The following TFDP2 variants were observed in gnomAD, a reference collection of about 807,000 sequenced individuals.
The protein encoded by TFDP2 is transcription factor Dp-2 (E2F dimerization partner 2).
Under a neutral mutation model 59.3 loss-of-function variants are expected in TFDP2, and 17 were observed. That is an observed-to-expected ratio of 0.29 (90% CI 0.20 to 0.43). The LOEUF (loss-of-function observed/expected upper bound fraction) is 0.43, where lower values mean the gene tolerates loss of function less well. Among genes scored for constraint, TFDP2 ranks in the 20% least tolerant of loss-of-function variants. TFDP2 has a pLI of 1.00. For missense variants in TFDP2, 391 were observed against 528.8 expected (o/e 0.74, Z 2.56); for synonymous variants, 180 against 194.7 (o/e 0.92, Z 0.63).
In TFDP2 at chr3:141,977,093, T is replaced by TAGATAGATAGATAGATAGATAGATAG. The variant is rs1553763132; in HGVS notation, c.519+1426_519+1427insCTATCTATCTATCTATCTATCTATCT. Among the ~76,000 whole-genome samples the TAGATAGATAGATAGATAGATAGATAG allele has an allele frequency of 7.6e-3, 753 of 99,482 alleles. 17 individuals are homozygous for TAGATAGATAGATAGATAGATAGATAG. Among genetic ancestry groups the TAGATAGATAGATAGATAGATAGATAG allele is most frequent in the Middle Eastern group, 0.019 (4 of 210 alleles). 65.3% of individuals were successfully genotyped at this position (99,482 alleles called of 152,430 possible). On this transcript the variant is annotated intron_variant, in intron 7 of 12. Coordinates refer to ENST00000489671, the MANE Select transcript of TFDP2 (RefSeq NM_001178139.2). ...CTCTAGAGAAACAGTCATAGCCATA[T>TAGATAGATAGATAGATAGATAGATAG]ATATATATATATATTTTTTTTTTTT...
intron 3 of TFDP2, among the ~76,000 whole-genome samples, chr3:142,067,624 T>TA (rs1431384734): frequency 6.6e-6 from 1 of 152,136 alleles, no homozygotes; most frequent in Non-Finnish European, 1.5e-5. Flanking sequence ...AAACTGATTC[T>TA]AAAATTTATA....
intron 6 of TFDP2, 129 bp from the exon 7 acceptor site, chr3:141,978,811 AGAGAT>A: frequency 1.5e-6 from 1 of 659,524 alleles, no homozygotes; most frequent in Non-Finnish European, 2.3e-6. Context: ...TAAATTGAAT[AGAGAT>A]GAGAAAATGT....
At chr3:142,090,562 CT>C (rs944915464) in intron 3 of TFDP2, among the ~76,000 whole-genome samples, 273 of 139,176 alleles carry the variant, frequency 2.0e-3, no homozygotes, top group Non-Finnish European at 2.0e-3. Flanking sequence ...TCTTTCTTTC[CT>C]TTTTTTTTTT....
intron 3 of TFDP2, among the ~76,000 whole-genome samples, chr3:142,062,862 C>T (rs1282327405): frequency 6.6e-6 from 1 of 152,044 alleles, no homozygotes; most frequent in Non-Finnish European, 1.5e-5. Flanking sequence ...TCTTCTTAAG[C>T]AAGAGAAGCC....
chr3:142,094,517 C>A (rs2061101513), intron 2 of TFDP2, among the ~76,000 whole-genome samples: 1 of 151,980 alleles, frequency 6.6e-6, no homozygotes, highest in South Asian at 2.1e-4. Context: ...GTTGGCCAGG[C>A]TGGTCTCGAA....
intron 5 of TFDP2, 79 bp from the exon 6 acceptor site, chr3:141,993,664 G>A: frequency 2.4e-6 from 2 of 829,274 alleles, no homozygotes; most frequent in East Asian, 5.9e-5. Context: ...ATTATAACTT[G>A]TCTAAAATTA....
At chr3:142,009,585 A>G (rs1008761666) in intron 3 of TFDP2, among the ~76,000 whole-genome samples, 1 of 151,820 alleles carries the variant, frequency 6.6e-6, no homozygotes, top group Non-Finnish European at 1.5e-5. Flanking sequence ...GGTGGTACAC[A>G]CCTGTAATCC....
chr3:141,964,897 A>G (rs977947946), intron 9 of TFDP2, among the ~76,000 whole-genome samples: 1 of 152,200 alleles, frequency 6.6e-6, no homozygotes, highest in Non-Finnish European at 1.5e-5. Flanking sequence ...AGATACATCA[A>G]GGCCTAAATT....
rs192820987 is a variant in TFDP2, at chr3:142,053,456, T to C, written c.82+39605A>G. On this transcript the variant is annotated intron_variant, in intron 3 of 12. Transcript: ENST00000489671. ...GACTTCCCAAGGCCCTCACCGGAAG[T>C]AGATGCTGGCACCATGCTTCCTGTA... Among the ~76,000 whole-genome samples, 659 of 152,260 alleles carry C rather than the reference T, an allele frequency of 4.3e-3. 4 individuals carry two copies. The highest frequency in any genetic ancestry group is 0.015 in the African/African-American group (617 of 41,538).
chr3:142,036,991 A>G (rs1946722746), intron 3 of TFDP2, among the ~76,000 whole-genome samples: 1 of 152,194 alleles, frequency 6.6e-6, no homozygotes, highest in Admixed American at 6.5e-5. Flanking sequence ...AACTCGTTAT[A>G]AGACTCTCTA....
chr3:142,061,887 TCTACACAC>T (rs1399269321), intron 3 of TFDP2, among the ~76,000 whole-genome samples: 2 of 63,936 alleles, frequency 3.1e-5, no homozygotes, highest in Non-Finnish European at 5.7e-5. Context: ...TCTCTCTCTC[TCTACACAC>T]ACACACACAC....
At chr3:142,145,962 C>A (rs1175645625) in intron 1 of TFDP2, among the ~76,000 whole-genome samples, 1 of 152,024 alleles carries the variant, frequency 6.6e-6, no homozygotes, top group Non-Finnish European at 1.5e-5. Flanking sequence ...AATTGGGTGA[C>A]CAACCTGAAC....
chr3:142,006,891 C>T (rs1014234978), intron 3 of TFDP2, among the ~76,000 whole-genome samples: 5 of 152,168 alleles, frequency 3.3e-5, no homozygotes, highest in Admixed American at 2.0e-4. Flanking sequence ...GTTCTCTCGT[C>T]TCAGCCTCCT....
intron 7 of TFDP2, among the ~76,000 whole-genome samples, chr3:141,977,512 A>T (rs1237845670): frequency 6.6e-6 from 1 of 152,074 alleles, no homozygotes; most frequent in Non-Finnish European, 1.5e-5. Context: ...GCATCACTTG[A>T]ACCTGGGAAG....
rs1301017499 is a variant in TFDP2, at chr3:141,944,997, C to G, written c.*7516G>C. The G allele has an allele frequency of 6.6e-6, 1 of 152,182 alleles. No homozygotes were observed. The highest frequency in any genetic ancestry group is 1.5e-5 in the Non-Finnish European group (1 of 68,042). 9.4% of individuals were successfully genotyped at this position (152,182 alleles called of 1,614,324 possible). On this transcript the variant is annotated 3_prime_UTR_variant, in exon 13 of 13. Transcript: ENST00000489671. ...TTAAATTGCTTAAAGCATGTGGCAC[C>G]ACGATGTATCCTTCATGCAGAAAAA... is the stretch of plus-strand genomic sequence containing the variant.
intron 1 of TFDP2, among the ~76,000 whole-genome samples, chr3:142,142,975 C>A (rs761283028): frequency 6.6e-6 from 1 of 152,364 alleles, no homozygotes; most frequent in Non-Finnish European, 1.5e-5. Flanking sequence ...GTGGCTCACG[C>A]CTGTAATCCC....
At chr3:142,029,723 T>C (rs1946331187) in intron 3 of TFDP2, among the ~76,000 whole-genome samples, 1 of 152,178 alleles carries the variant, frequency 6.6e-6, no homozygotes, top group African/African-American at 2.4e-5. Flanking sequence ...GTAAAGATAA[T>C]TTACCAAGGT....
intron 3 of TFDP2, among the ~76,000 whole-genome samples, chr3:142,055,115 TCTC>T (rs2059695832): frequency 2.0e-5 from 3 of 152,156 alleles, no homozygotes; most frequent in Non-Finnish European, 4.4e-5. Flanking sequence ...ATGCAGTCAG[TCTC>T]CTCCTATCAC....
chr3:141,964,950 T>C (rs899432635), intron 9 of TFDP2, among the ~76,000 whole-genome samples: 1 of 152,050 alleles, frequency 6.6e-6, no homozygotes, highest in Non-Finnish European at 1.5e-5. Context: ...TAACCATTAC[T>C]CAAAAGCCAA....
Sources: allele counts gnomAD v4.1 joint callset (sites outside exome capture counted in the v4.1 genomes callset), GRCh38; gene constraint gnomAD v4.1.1; transcripts MANE v1.5; gene names NCBI Gene and HGNC (gene_info 2026-07-23, HGNC 2026-07-21).